DYM: variants seen among roughly 807,000 people sequenced by gnomAD.
The protein encoded by DYM is dymeclin.
A neutral mutation model predicts 93.1 loss-of-function variants in DYM; 78 were observed. The ratio of observed to expected loss-of-function variants is 0.84; its 90% CI spans 0.70 to 1.01. The LOEUF (loss-of-function observed/expected upper bound fraction) is 1.01. Among genes scored for constraint, DYM ranks in the 50% least tolerant of loss-of-function variants. The pLI, the probability that DYM is intolerant of heterozygous loss-of-function variation, is 0.00. For synonymous variants in DYM, 321 were observed against 319.7 expected (o/e 1.00, Z -0.04); for missense variants, 789 against 845.0 (o/e 0.93, Z 0.82).
At chr18:49,398,176 A>C (rs1374041807) in intron 2 of DYM, among the ~76,000 whole-genome samples, 1 of 152,170 alleles carries the variant, frequency 6.6e-6, no homozygotes, top group Non-Finnish European at 1.5e-5. Context: ...ATAACCTAGA[A>C]GTGATCCTAT....
At chr18:49,260,525 T>C (rs1234901734) in intron 11 of DYM, among the ~76,000 whole-genome samples, 1 of 151,864 alleles carries the variant, frequency 6.6e-6, no homozygotes, top group Non-Finnish European at 1.5e-5. Context: ...TATGAGAAAA[T>C]TTCTTTGAGA....
chr18:49,457,231 G>A (rs975855329), intron 1 of DYM, among the ~76,000 whole-genome samples: 5 of 152,064 alleles, frequency 3.3e-5, no homozygotes, highest in Non-Finnish European at 7.4e-5. Context: ...CTGAAATGGG[G>A]GTGCCTTTAT....
chr18:49,435,669 A>T (rs1343401797), intron 1 of DYM, among the ~76,000 whole-genome samples: 1 of 151,858 alleles, frequency 6.6e-6, no homozygotes, highest in Non-Finnish European at 1.5e-5. Context: ...GGCGTCTGTA[A>T]TCCCAGCTAC....
intron 8 of DYM, among the ~76,000 whole-genome samples, chr18:49,292,312 A>ACAGACAGACAGGCAGGCAGG (rs1491459614): frequency 9.0e-6 from 1 of 110,924 alleles, no homozygotes; most frequent in Non-Finnish European, 1.9e-5. Flanking sequence ...AGACAGACAG[A>ACAGACAGACAGGCAGGCAGG]CAGGCAGGCA....
chr18:49,454,422 T>G (rs931611730), intron 1 of DYM, among the ~76,000 whole-genome samples: 10 of 152,086 alleles, frequency 6.6e-5, no homozygotes, highest in African/African-American at 1.7e-4. Context: ...GGCTCCATCT[T>G]CCCTTCTCTG....
intron 8 of DYM, among the ~76,000 whole-genome samples, chr18:49,288,296 A>G (rs2059795801): frequency 6.6e-6 from 1 of 152,204 alleles, no homozygotes; most frequent in African/African-American, 2.4e-5. Flanking sequence ...TTTACATACA[A>G]TCAATAAATA....
chr18:49,432,143 C>A (rs1229593525), intron 1 of DYM, among the ~76,000 whole-genome samples: 2 of 151,994 alleles, frequency 1.3e-5, no homozygotes, highest in Non-Finnish European at 2.9e-5. Context: ...GAGGCCAAGG[C>A]GGGCAGATCA....
chr18:49,271,628 TTC>T (rs1180529336), intron 11 of DYM, among the ~76,000 whole-genome samples: 1 of 151,970 alleles, frequency 6.6e-6, no homozygotes, highest in Non-Finnish European at 1.5e-5. Flanking sequence ...AACCTTGTAC[TTC>T]TATACAAGTT....
intron 17 of DYM, among the ~76,000 whole-genome samples, chr18:49,068,521 C>T (rs1272116530): frequency 2.0e-5 from 3 of 151,984 alleles, no homozygotes; most frequent in Admixed American, 2.0e-4. Context: ...GAAAGGAGCT[C>T]CAGAGAATAT....
intron 2 of DYM, among the ~76,000 whole-genome samples, chr18:49,412,543 A>G (rs574314584): frequency 6.6e-6 from 1 of 152,298 alleles, no homozygotes; most frequent in South Asian, 2.1e-4. Context: ...AAAGTCTCAA[A>G]TTATTTATTC....
At chr18:49,234,410 T>C (rs939640493) in intron 13 of DYM, among the ~76,000 whole-genome samples, 2 of 151,892 alleles carry the variant, frequency 1.3e-5, no homozygotes, top group African/African-American at 2.4e-5. Context: ...TGAGCCAAGA[T>C]TGTGCCACCA....
chr18:49,386,012 A>C (rs952372798), intron 3 of DYM, among the ~76,000 whole-genome samples: 2 of 152,156 alleles, frequency 1.3e-5, no homozygotes, highest in African/African-American at 4.8e-5. Context: ...GGGTCTTGCT[A>C]TGTTGCCCAG....
chr18:49,227,305 T>C (rs2093567667), intron 13 of DYM, among the ~76,000 whole-genome samples: 1 of 152,162 alleles, frequency 6.6e-6, no homozygotes, highest in African/African-American at 2.4e-5. Context: ...AGTTAGATAA[T>C]CTGGAGCCAT....
chr18:49,089,172 G>C (rs965181477), intron 17 of DYM, among the ~76,000 whole-genome samples: 1 of 152,132 alleles, frequency 6.6e-6, no homozygotes, highest in Non-Finnish European at 1.5e-5. Flanking sequence ...AATTGCTAGG[G>C]AGACTAAATG....
intron 11 of DYM, among the ~76,000 whole-genome samples, chr18:49,263,586 C>A (rs1461112649): frequency 2.6e-5 from 4 of 151,634 alleles, no homozygotes; most frequent in Non-Finnish European, 5.9e-5. Context: ...AAAAACTAAC[C>A]AGGCTTGGTG....
At chr18:49,123,674 T>C (rs1218733419) in intron 15 of DYM, among the ~76,000 whole-genome samples, 1 of 152,204 alleles carries the variant, frequency 6.6e-6, no homozygotes, top group Non-Finnish European at 1.5e-5. Context: ...TTTGGCTATG[T>C]GTTTAAAATG....
chr18:49,315,607 A>G (rs1383002529), intron 8 of DYM, among the ~76,000 whole-genome samples: 2 of 152,248 alleles, frequency 1.3e-5, no homozygotes, highest in Non-Finnish European at 2.9e-5. Flanking sequence ...ATGAAAGACT[A>G]AAAGACGTGA....
intron 13 of DYM, among the ~76,000 whole-genome samples, chr18:49,222,175 C>A (rs1299791945): frequency 6.6e-6 from 1 of 151,896 alleles, no homozygotes; most frequent in Non-Finnish European, 1.5e-5. Flanking sequence ...TATACACATA[C>A]ACGGAACAGA....
chr18:49,363,412 C>A (rs1278440646), intron 5 of DYM, among the ~76,000 whole-genome samples, 179 bp from the exon 6 acceptor site: 1 of 152,180 alleles, frequency 6.6e-6, no homozygotes, highest in Non-Finnish European at 1.5e-5. Context: ...CTATGATGAT[C>A]TTCATCTAGC....
Sources: allele counts gnomAD v4.1 joint callset (sites outside exome capture counted in the v4.1 genomes callset), GRCh38; gene constraint gnomAD v4.1.1; transcripts MANE v1.5; gene names NCBI Gene and HGNC (gene_info 2026-07-23, HGNC 2026-07-21).